DGKB: variants seen among roughly 807,000 people sequenced by gnomAD.
DGKB encodes diacylglycerol kinase beta.
A neutral mutation model predicts 114.3 loss-of-function variants in DGKB; 67 were observed. The ratio of observed to expected loss-of-function variants is 0.59; its 90% CI spans 0.48 to 0.72. The LOEUF (loss-of-function observed/expected upper bound fraction) is 0.72. Ranked by LOEUF, DGKB falls within the 30% of genes least tolerant of loss-of-function variation. The probability of loss-of-function intolerance (pLI) is 0.00; values close to 1 mark genes in which losing one functional copy is unlikely to be tolerated. For synonymous variants in DGKB, 398 were observed against 323.1 expected (o/e 1.23, Z -2.49); for missense variants, 907 against 975.2 (o/e 0.93, Z 0.93).
chr7:14,567,213 AT>A (rs1221825199), intron 20 of DGKB, among the ~76,000 whole-genome samples: 20 of 75,576 alleles, frequency 2.6e-4, no homozygotes, highest in Non-Finnish European at 4.1e-4. Context: ...TATATTATAT[AT>A]TTATATATAA....
intron 2 of DGKB, among the ~76,000 whole-genome samples, chr7:14,804,042 T>C (rs1842497432): frequency 6.6e-6 from 1 of 151,344 alleles, no homozygotes; most frequent in African/African-American, 2.4e-5. Flanking sequence ...ATTTGTGAGT[T>C]ATTTCTTCAC....
intron 21 of DGKB, among the ~76,000 whole-genome samples, chr7:14,411,828 A>G (rs2128746186): frequency 6.6e-6 from 1 of 152,298 alleles, no homozygotes; most frequent in African/African-American, 2.4e-5. Flanking sequence ...GATGTTAACC[A>G]AAGTATCATC....
At chr7:14,373,103 A>G (rs1310158007) in intron 21 of DGKB, among the ~76,000 whole-genome samples, 2 of 152,208 alleles carry the variant, frequency 1.3e-5, no homozygotes, top group African/African-American at 4.8e-5. Context: ...CTTCTTGCAC[A>G]TTGAATGACA....
intron 21 of DGKB, among the ~76,000 whole-genome samples, chr7:14,430,390 G>A (rs1385978950): frequency 6.6e-6 from 1 of 152,092 alleles, no homozygotes; most frequent in Non-Finnish European, 1.5e-5. Flanking sequence ...TGAGATATAA[G>A]TCACAATCTG....
chr7:14,387,973 G>T (rs983394072), intron 21 of DGKB, among the ~76,000 whole-genome samples: 1 of 150,154 alleles, frequency 6.7e-6, no homozygotes, highest in Admixed American at 6.6e-5. Context: ...TCCACCCCCC[G>T]GGTTAAAGTG....
intron 20 of DGKB, among the ~76,000 whole-genome samples, chr7:14,567,115 TTATATAAA>T (rs1280819707): frequency 8.7e-6 from 1 of 115,536 alleles, no homozygotes; most frequent in Non-Finnish European, 1.7e-5. Context: ...TTTATATATA[TTATATAAA>T]TATATAATTA....
intron 23 of DGKB, among the ~76,000 whole-genome samples, chr7:14,220,992 C>T (rs1302417898): frequency 6.6e-6 from 1 of 151,076 alleles, no homozygotes; most frequent in African/African-American, 2.4e-5. Context: ...TCTAGAAATA[C>T]AATTGATTCC....
intron 13 of DGKB, among the ~76,000 whole-genome samples, chr7:14,661,648 G>A (rs1477459800): frequency 6.6e-6 from 1 of 151,936 alleles, no homozygotes; most frequent in Admixed American, 6.6e-5. Flanking sequence ...TCAGTGTGGC[G>A]ATTCCTCAGG....
At position 14,915,471 on chromosome 7, in the gene DGKB, CCAAGAAACT is replaced by C. The variant is rs1438178120; in HGVS notation, c.-188+59216_-188+59224del. ...TAATGGCAGACGCTAAACCACAGAT[CCAAGAAACT>C]CAGAGAACACTAAGCAGGATATATT... On this transcript the variant is annotated intron_variant, in intron 1 of 4. Transcript: ENST00000437998. 5.3e-5 allele frequency among the ~76,000 whole-genome samples: 8 copies of C among 152,218 alleles called. No individual in the cohort carries two copies. The East Asian group carries it at 1.2e-3, about 22-fold the overall frequency.
intron 14 of DGKB, among the ~76,000 whole-genome samples, chr7:14,626,495 T>A (rs1808614641): frequency 6.6e-6 from 1 of 152,202 alleles, no homozygotes; most frequent in Admixed American, 6.5e-5. Context: ...TAACCCAAGG[T>A]ATCATATAGA....
chr7:14,958,749 C>T (rs1011784749), intron 1 of DGKB, among the ~76,000 whole-genome samples: 1 of 152,008 alleles, frequency 6.6e-6, no homozygotes, highest in Non-Finnish European at 1.5e-5. Flanking sequence ...TTTCATAAAG[C>T]AAGTTTCCTG....
At chr7:14,919,815 C>T (rs1784427871) in intron 1 of DGKB, among the ~76,000 whole-genome samples, 1 of 152,132 alleles carries the variant, frequency 6.6e-6, no homozygotes, top group Admixed American at 6.6e-5. Flanking sequence ...CATTAGTTCA[C>T]ATGTGAGCTT....
chr7:14,433,985 G>A (rs891764451), intron 21 of DGKB, among the ~76,000 whole-genome samples: 2 of 152,168 alleles, frequency 1.3e-5, no homozygotes, highest in African/African-American at 2.4e-5. Flanking sequence ...GAGGTTAGGT[G>A]TGAAAATTTC....
At chr7:14,855,794 T>C (rs1042051360) in intron 1 of DGKB, among the ~76,000 whole-genome samples, 2 of 152,168 alleles carry the variant, frequency 1.3e-5, no homozygotes, top group Admixed American at 6.5e-5. Flanking sequence ...ACTTTTGATA[T>C]AATTTCAATT....
At chr7:14,266,289 T>C (rs1797509147) in intron 23 of DGKB, among the ~76,000 whole-genome samples, 1 of 152,206 alleles carries the variant, frequency 6.6e-6, no homozygotes, top group South Asian at 2.1e-4. Context: ...TTGCATCATA[T>C]ATTTTTAGCA....
intron 5 of DGKB, among the ~76,000 whole-genome samples, chr7:14,720,669 T>C (rs1446916133): frequency 6.6e-6 from 1 of 151,534 alleles, no homozygotes; most frequent in African/African-American, 2.4e-5. Flanking sequence ...GAAGTCTTAT[T>C]TATTTCAAAT....
chr7:14,387,972 C>G (rs1336699145), intron 21 of DGKB, among the ~76,000 whole-genome samples: 1 of 150,998 alleles, frequency 6.6e-6, no homozygotes, highest in Non-Finnish European at 1.5e-5. Flanking sequence ...CTCCACCCCC[C>G]GGGTTAAAGT....
At chr7:14,346,161 C>T (rs10234589) in intron 21 of DGKB, among the ~76,000 whole-genome samples, 41,132 of 151,436 alleles carry the variant, frequency 0.27, 5,585 homozygotes, top group South Asian at 0.36. Flanking sequence ...GTATGTCTCT[C>T]ATATCAAATT....
chr7:14,545,008 T>C (rs1332542156), intron 20 of DGKB, among the ~76,000 whole-genome samples: 1 of 152,026 alleles, frequency 6.6e-6, no homozygotes, highest in Non-Finnish European at 1.5e-5. Flanking sequence ...AAAAAACAGA[T>C]TTTAAACATT....
Sources: allele counts gnomAD v4.1 joint callset (sites outside exome capture counted in the v4.1 genomes callset), GRCh38; gene constraint gnomAD v4.1.1; transcripts MANE v1.5; gene names NCBI Gene and HGNC (gene_info 2026-07-23, HGNC 2026-07-21).